CAPRIN1: variants seen among roughly 807,000 people sequenced by gnomAD.
CAPRIN1 encodes the protein cell cycle associated protein 1.
Under a neutral mutation model 100.9 loss-of-function variants are expected in CAPRIN1, and 29 were observed. The observed-to-expected ratio is 0.29, with a 90% CI of 0.21 to 0.39. The LOEUF is 0.39. Among genes scored for constraint, CAPRIN1 ranks in the 10% least tolerant of loss-of-function variants. CAPRIN1 has a pLI of 1.00. For missense variants in CAPRIN1, 795 were observed against 876.7 expected (o/e 0.91, Z 1.18); for synonymous variants, 338 against 307.5 (o/e 1.10, Z -1.04).
chr11:34,056,655 T>C (rs1384175295), intron 2 of CAPRIN1: 1 of 152,184 alleles, frequency 6.6e-6, no homozygotes, highest in Non-Finnish European at 1.5e-5. Context: ...ATGCAAGATA[T>C]TTCAAAACCA....
intron 1 of CAPRIN1, 96 bp from the exon 2 acceptor site, chr11:34,052,325 C>G: frequency 1.9e-6 from 2 of 1,039,476 alleles, no homozygotes; most frequent in Non-Finnish European, 2.9e-6. Flanking sequence ...CTACCGCTCG[C>G]TGCGCGTTTT....
At chr11:34,088,322 T>G (rs1211287969) in intron 11 of CAPRIN1, among the ~76,000 whole-genome samples, 1 of 152,096 alleles carries the variant, frequency 6.6e-6, no homozygotes, top group Non-Finnish European at 1.5e-5. Flanking sequence ...ATATTTTAAA[T>G]TTTCTTTTTC....
intron 18 of CAPRIN1, chr11:34,098,195 C>A (rs1431724090): frequency 6.0e-6 from 6 of 994,348 alleles, no homozygotes; most frequent in Non-Finnish European, 7.2e-6. Context: ...CCTTTAATGG[C>A]CGGATAAGCC....
chr11:34,079,575 A>C, intron 6 of CAPRIN1, 53 bp from the exon 7 acceptor site: 1 of 1,495,020 alleles, frequency 6.7e-7, no homozygotes, highest in Admixed American at 1.8e-5. Context: ...ATCTTCTTCA[A>C]GCCAGGCATC....
rs1020431738 is a variant in CAPRIN1, at chr11:34,100,062, A to G, written c.*695A>G. ...GGCTTTGATTGGCACTTTTTGAAAA[A>G]TATGCAACAAATATGGGATGTAATC... On this transcript the variant is annotated 3_prime_UTR_variant, in exon 19 of 19. Coordinates refer to ENST00000341394, the MANE Select transcript of CAPRIN1 (RefSeq NM_005898.5). 1.3e-5 allele frequency: 2 copies of G among 152,676 alleles called. No homozygotes were observed. The highest frequency in any genetic ancestry group is 1.9e-4 in the East Asian group (1 of 5,204). The allele number at this position is 152,676 out of a possible 1,614,324, so 9.5% of individuals were successfully genotyped here.
At chr11:34,091,878 A>T (rs754295128) in intron 14 of CAPRIN1, 28 bp from the exon 15 acceptor site, 1 of 1,590,080 alleles carries the variant, frequency 6.3e-7, no homozygotes, top group Non-Finnish European at 8.6e-7. Flanking sequence ...AAAAGGATGA[A>T]CTAATCATTT....
intron 9 of CAPRIN1, 34 bp from the exon 10 acceptor site, chr11:34,086,030 C>G: frequency 6.2e-7 from 1 of 1,604,994 alleles, no homozygotes; most frequent in Non-Finnish European, 8.5e-7. Flanking sequence ...TTTTTGCTCT[C>G]CTATTCCTTC....
chr11:34,067,155 C>A (rs977865909), intron 2 of CAPRIN1, among the ~76,000 whole-genome samples: 1 of 152,110 alleles, frequency 6.6e-6, no homozygotes, highest in Non-Finnish European at 1.5e-5. Context: ...GTCTTGAACT[C>A]CTGACCTCAA....
chr11:34,074,891 C>T (rs1033088719), intron 4 of CAPRIN1, among the ~76,000 whole-genome samples: 9 of 150,920 alleles, frequency 6.0e-5, no homozygotes, highest in Admixed American at 1.3e-4. Context: ...CAAAAAACAC[C>T]TTCCTGGCTG....
At chr11:34,082,295 C>T (rs1851048600) in intron 7 of CAPRIN1, among the ~76,000 whole-genome samples, 2 of 152,068 alleles carry the variant, frequency 1.3e-5, no homozygotes, top group South Asian at 2.1e-4. Flanking sequence ...TCAAGCGATT[C>T]TCCTGCCTCA....
chr11:34,052,933 G>A (rs1271257272), intron 2 of CAPRIN1: 1 of 1,249,534 alleles, frequency 8.0e-7, no homozygotes, highest in Non-Finnish European at 1.0e-6. Context: ...GGACATGTGA[G>A]GGTGGGGGCC....
intron 2 of CAPRIN1, among the ~76,000 whole-genome samples, chr11:34,060,821 G>A (rs1424549740): frequency 6.6e-6 from 1 of 152,142 alleles, no homozygotes; most frequent in Non-Finnish European, 1.5e-5. Flanking sequence ...TAACTCCCAA[G>A]GAATGTATTA....
At chr11:34,084,445 T>G (rs1471807633) in intron 9 of CAPRIN1, among the ~76,000 whole-genome samples, 2 of 152,168 alleles carry the variant, frequency 1.3e-5, no homozygotes, top group Admixed American at 1.3e-4. Context: ...TATAGGAGGA[T>G]TAGAAGAGAA....
At chr11:34,082,715 C>T in intron 7 of CAPRIN1, 110 bp from the exon 8 acceptor site, 5 of 744,188 alleles carry the variant, frequency 6.7e-6, no homozygotes, top group Non-Finnish European at 1.2e-5. Flanking sequence ...TAATAATTCT[C>T]TGGGTTTGGA....
Position 34,073,190 on chromosome 11 carries a change from A to G in CAPRIN1, c.366+1203A>G, listed in dbSNP as rs184931636. Among the ~76,000 whole-genome samples the G allele has an allele frequency of 6.3e-3, 967 of 152,302 alleles. 16 individuals carry two copies. Among genetic ancestry groups the G allele is most frequent in the Admixed American group, 0.037 (573 of 15,290 alleles). On this transcript the variant is annotated intron_variant, in intron 4 of 18. Transcript: ENST00000341394. ...TGTAGGGATTAAGAGATCAGATTCT[A>G]GAAACAGACTGCCCAGTTGAATCCT... is the stretch of plus-strand genomic sequence containing the variant.
At chr11:34,058,284 A>C (rs942101949) in intron 2 of CAPRIN1, among the ~76,000 whole-genome samples, 2 of 151,426 alleles carry the variant, frequency 1.3e-5, no homozygotes, top group African/African-American at 2.4e-5. Context: ...TTACAGGTGC[A>C]TGCCACCACG....
rs188044901 is a variant in CAPRIN1, at chr11:34,058,978, T to C, written c.216+6342T>C. 3.9e-5 allele frequency among the ~76,000 whole-genome samples: 6 copies of C among 152,334 alleles called. No individual in the cohort carries two copies. In the East Asian group the frequency reaches 1.2e-3, roughly 29 times the overall value. On this transcript the variant is annotated intron_variant, in intron 2 of 18. Coordinates refer to ENST00000341394, the MANE Select transcript of CAPRIN1 (RefSeq NM_005898.5). ...GGGGGAAATGAATGGTGTGTGTGTA[T>C]ACAGTATAGAAGAGTGAGAGGAGTA...
chr11:34,067,029 A>G (rs1850712497), intron 2 of CAPRIN1, among the ~76,000 whole-genome samples: 2 of 151,142 alleles, frequency 1.3e-5, no homozygotes, highest in African/African-American at 4.9e-5. Context: ...TCCTGGGTTC[A>G]AGTGATTCTC....
At chr11:34,058,354 C>G (rs1334322550) in intron 2 of CAPRIN1, among the ~76,000 whole-genome samples, 1 of 152,188 alleles carries the variant, frequency 6.6e-6, no homozygotes, top group South Asian at 2.1e-4. Flanking sequence ...CCAGGCTGGT[C>G]TCAAACTCCT....
Sources: allele counts gnomAD v4.1 joint callset (sites outside exome capture counted in the v4.1 genomes callset), GRCh38; gene constraint gnomAD v4.1.1; transcripts MANE v1.5; gene names NCBI Gene and HGNC (gene_info 2026-07-23, HGNC 2026-07-21).